Variants in HEMK2 observed in about 807,000 individuals in gnomAD.
HEMK2 encodes the protein methyltransferase HEMK2.
chr21:28,679,813 C>A, the HEMK2 span, among the ~76,000 whole-genome samples: 11 of 152,074 alleles, frequency 7.2e-5, no homozygotes, highest in African/African-American at 2.7e-4. Context: ...GGGTACATAA[C>A]GAAATGAAGG....
the HEMK2 span, among the ~76,000 whole-genome samples, chr21:28,765,709 T>A: frequency 6.6e-6 from 1 of 151,872 alleles, no homozygotes; most frequent in South Asian, 2.1e-4. Flanking sequence ...ACTTGACAAG[T>A]CTTACTGTGC....
At chr21:28,688,005 A>G in the HEMK2 span, among the ~76,000 whole-genome samples, 10 of 152,338 alleles carry the variant, frequency 6.6e-5, no homozygotes, top group Non-Finnish European at 5.9e-5. Flanking sequence ...CTGAAAATTG[A>G]TATGAATCAC....
chr21:28,821,514 A>G, the HEMK2 span, among the ~76,000 whole-genome samples: 1 of 152,234 alleles, frequency 6.6e-6, no homozygotes, highest in Non-Finnish European at 1.5e-5. Context: ...AGGAGGAATA[A>G]CAATGACTGT....
At chr21:28,860,298 C>T in the HEMK2 span, among the ~76,000 whole-genome samples, 1 of 152,020 alleles carries the variant, frequency 6.6e-6, no homozygotes, top group Non-Finnish European at 1.5e-5. Context: ...CATCTTTCTC[C>T]CCTGCTGGAT....
the HEMK2 span, chr21:28,876,001 G>C: frequency 7.0e-5 from 11 of 156,968 alleles, no homozygotes; most frequent in South Asian, 1.6e-3. Context: ...TTATGACATA[G>C]AGTTGGAGAG....
chr21:28,882,948 T>C, the HEMK2 span: 1 of 1,316,564 alleles, frequency 7.6e-7, no homozygotes, highest in South Asian at 1.4e-5. Context: ...ATAGTTAACC[T>C]GTCAGTGGAA....
the HEMK2 span, among the ~76,000 whole-genome samples, chr21:28,839,886 G>GA: frequency 5.3e-5 from 8 of 151,794 alleles, no homozygotes; most frequent in South Asian, 4.2e-4. Context: ...CATACAGAAC[G>GA]AAAAAAGAGC....
chr21:28,859,615 C>T, the HEMK2 span, among the ~76,000 whole-genome samples: 1 of 152,116 alleles, frequency 6.6e-6, no homozygotes, highest in Non-Finnish European at 1.5e-5. Context: ...CTGATATTTT[C>T]ATCTCTCATC....
chr21:28,648,002 G>A, the HEMK2 span, among the ~76,000 whole-genome samples: 2 of 152,192 alleles, frequency 1.3e-5, no homozygotes, highest in Non-Finnish European at 2.9e-5. Context: ...TGAGACTTGA[G>A]AGTGTAATTA....
chr21:28,838,961 A>AT, the HEMK2 span, among the ~76,000 whole-genome samples: 1 of 71,248 alleles, frequency 1.4e-5, no homozygotes, highest in Non-Finnish European at 2.6e-5. Flanking sequence ...AAAAAAAAAA[A>AT]AAAAAAAAAA....
chr21:28,688,031 C>G, the HEMK2 span, among the ~76,000 whole-genome samples: 4 of 152,140 alleles, frequency 2.6e-5, no homozygotes, highest in Admixed American at 2.6e-4. Flanking sequence ...AAAAATAAAG[C>G]TTCCAAGAAG....
chr21:28,578,399 G>T, the HEMK2 span, among the ~76,000 whole-genome samples: 7 of 152,322 alleles, frequency 4.6e-5, no homozygotes, highest in South Asian at 1.4e-3. Context: ...TCCACCCTCA[G>T]GTGATGGGGA....
At chr21:28,726,191 A>T in the HEMK2 span, among the ~76,000 whole-genome samples, 7 of 152,074 alleles carry the variant, frequency 4.6e-5, no homozygotes, top group Admixed American at 1.3e-4. Context: ...AACATTTTTT[A>T]AAAAAGGTCC....
the HEMK2 span, among the ~76,000 whole-genome samples, chr21:28,841,698 C>T: frequency 6.6e-6 from 1 of 151,212 alleles, no homozygotes; most frequent in East Asian, 2.0e-4. Context: ...GGATAAATAA[C>T]TACAAATATG....
the HEMK2 span, among the ~76,000 whole-genome samples, chr21:28,722,450 T>C: frequency 2.6e-5 from 4 of 152,216 alleles, no homozygotes; most frequent in Non-Finnish European, 5.9e-5. Flanking sequence ...GCTGACCATA[T>C]AAAGCTGCTT....
chr21:28,625,150 G>T, the HEMK2 span, among the ~76,000 whole-genome samples: 5 of 152,186 alleles, frequency 3.3e-5, no homozygotes, highest in African/African-American at 1.2e-4. Flanking sequence ...CCATAGGTCA[G>T]TAGAAAATGA....
the HEMK2 span, among the ~76,000 whole-genome samples, chr21:28,738,779 A>C: frequency 6.6e-6 from 1 of 152,220 alleles, no homozygotes. Flanking sequence ...CTTATCCTAT[A>C]ATAATACAAA....
chr21:28,830,059 A>T, the HEMK2 span, among the ~76,000 whole-genome samples: 9 of 152,202 alleles, frequency 5.9e-5, no homozygotes, highest in African/African-American at 2.2e-4. Context: ...CTTGCCAGAG[A>T]CTAGTCCTCC....
At chr21:28,816,630 A>G in the HEMK2 span, among the ~76,000 whole-genome samples, 1 of 152,202 alleles carries the variant, frequency 6.6e-6, no homozygotes, top group Non-Finnish European at 1.5e-5. Flanking sequence ...GCACTGAAAT[A>G]TAAGCACACC....
Sources: gnomAD v4.1 joint callset for allele counts (sites outside exome capture counted in the v4.1 genomes callset) on GRCh38, gnomAD v4.1.1 for gene constraint, MANE v1.5 for transcripts, NCBI Gene and HGNC (gene_info 2026-07-23, HGNC 2026-07-21) for gene names.